The following FHIT variants were observed in gnomAD, a reference collection of about 807,000 sequenced individuals.
The protein encoded by FHIT is fragile histidine triad diadenosine triphosphatase, also known as bis(5'-adenosyl)-triphosphatase.
A neutral mutation model predicts 17.9 loss-of-function variants in FHIT; 19 were observed. That is an observed-to-expected ratio of 1.06 (90% CI 0.74 to 1.56). FHIT has a LOEUF of 1.56. FHIT is among the 40% of genes most tolerant of loss of function. The pLI is 0.00. For synonymous variants in FHIT, 81 were observed against 69.7 expected (o/e 1.16, Z -0.81); for missense variants, 248 against 189.2 (o/e 1.31, Z -1.82).
chr3:60,671,784 A>AAC, intron 4 of FHIT, among the ~76,000 whole-genome samples: 1 of 150,850 alleles, frequency 6.6e-6, no homozygotes, highest in Admixed American at 6.6e-5. Context: ...TACTAAAAAA[A>AAC]AAAAAAAACA....
chr3:60,130,784 G>GTATATACACACATGTGTGTGTGTGTGT (rs148356992), intron 5 of FHIT, among the ~76,000 whole-genome samples: 1 of 111,628 alleles, frequency 9.0e-6, no homozygotes, highest in Non-Finnish European at 2.0e-5. Flanking sequence ...GTGTGTGTGT[G>GTATATACACACATGTGTGTGTGTGTGT]GTGTGTATAT....
intron 5 of FHIT, among the ~76,000 whole-genome samples, chr3:60,363,017 G>A (rs926365308): frequency 6.6e-6 from 1 of 152,138 alleles, no homozygotes; most frequent in Non-Finnish European, 1.5e-5. Context: ...AAGGAAAGAC[G>A]CTGTTAAGTT....
chr3:61,193,821 G>C (rs1372895272), intron 2 of FHIT, among the ~76,000 whole-genome samples: 4 of 152,182 alleles, frequency 2.6e-5, no homozygotes, highest in African/African-American at 9.7e-5. Flanking sequence ...TCTCACAAGA[G>C]TCACAGCCAA....
At chr3:60,061,857 G>T (rs1009975211) in intron 5 of FHIT, among the ~76,000 whole-genome samples, 4 of 152,162 alleles carry the variant, frequency 2.6e-5, no homozygotes, top group African/African-American at 9.7e-5. Flanking sequence ...CACGAGAGAT[G>T]AATTTCAGCC....
At chr3:61,202,826 C>A (rs2039070475) in intron 1 of FHIT, among the ~76,000 whole-genome samples, 1 of 152,076 alleles carries the variant, frequency 6.6e-6, no homozygotes, top group South Asian at 2.1e-4. Flanking sequence ...CCAAGGCAGG[C>A]AGATAACCTG....
At chr3:60,052,311 C>T (rs1448231491) in intron 5 of FHIT, among the ~76,000 whole-genome samples, 1 of 152,040 alleles carries the variant, frequency 6.6e-6, no homozygotes, top group Non-Finnish European at 1.5e-5. Flanking sequence ...CACGAGTACA[C>T]CCTGAAAAAC....
At chr3:60,478,780 GAAAT>G (rs1559947909) in intron 5 of FHIT, among the ~76,000 whole-genome samples, 1 of 152,078 alleles carries the variant, frequency 6.6e-6, no homozygotes, top group African/African-American at 2.4e-5. Flanking sequence ...ACAAATACAT[GAAAT>G]AAAAGTATGT....
intron 5 of FHIT, among the ~76,000 whole-genome samples, chr3:60,504,561 G>A (rs901267954): frequency 2.0e-5 from 3 of 152,146 alleles, no homozygotes; most frequent in Admixed American, 6.5e-5. Context: ...ATAGTAAAAC[G>A]TGAACTGCCA....
chr3:60,921,455 A>T (rs1707275186), intron 3 of FHIT, among the ~76,000 whole-genome samples: 1 of 152,242 alleles, frequency 6.6e-6, no homozygotes, highest in Non-Finnish European at 1.5e-5. Flanking sequence ...TCGAATGGCA[A>T]TAAAATACTT....
chr3:59,907,278 T>C (rs1704626664), intron 8 of FHIT, among the ~76,000 whole-genome samples: 2 of 152,238 alleles, frequency 1.3e-5, no homozygotes, highest in Non-Finnish European at 2.9e-5. Context: ...GCACAGTTAC[T>C]GTCACTAATT....
rs111706619 is a variant in FHIT, at chr3:60,906,453, C to A, written c.-110-84442G>T. 6.8e-3 allele frequency among the ~76,000 whole-genome samples: 1,043 copies of A among 152,278 alleles called. 4 individuals are homozygous for A. Among genetic ancestry groups the A allele is most frequent in the Non-Finnish European group, 0.012 (804 of 68,010 alleles). On this transcript the variant is annotated intron_variant, in intron 3 of 9. Transcript: ENST00000492590. Reference sequence around the variant, plus strand: ...TCTATCTAATCTACCTATCGCCTAGCGGCAATGGCACCCCAGTAGCAATGA... The same window carrying A: ...TCTATCTAATCTACCTATCGCCTAGAGGCAATGGCACCCCAGTAGCAATGA...
intron 2 of FHIT, among the ~76,000 whole-genome samples, chr3:61,121,689 G>A (rs1207312039): frequency 1.3e-5 from 2 of 151,918 alleles, no homozygotes; most frequent in East Asian, 3.9e-4. Flanking sequence ...TCAACTAACG[G>A]GCAAAATAAC....
In FHIT at chr3:60,462,728, G is replaced by T. The variant is rs531621772; in HGVS notation, c.103+74132C>A. ...GAGGTTATGGCCCCAGGCGGACAAG[G>T]AAAGACAGGAAGGTGCCAACCATGC... On this transcript the variant is annotated intron_variant, in intron 5 of 9. Coordinates refer to ENST00000492590, the MANE Select transcript of FHIT (RefSeq NM_002012.4). Among the ~76,000 whole-genome samples the T allele has an allele frequency of 7.9e-5, 12 of 152,222 alleles. No individual in the cohort carries two copies. In the East Asian group the frequency reaches 1.2e-3, roughly 15 times the overall value.
At chr3:60,338,423 C>T (rs575075552) in intron 5 of FHIT, among the ~76,000 whole-genome samples, 25 of 152,194 alleles carry the variant, frequency 1.6e-4, no homozygotes, top group East Asian at 5.8e-4. Flanking sequence ...TCGAGTGCAG[C>T]GGCATGATCT....
chr3:60,570,662 A>G (rs975583550), intron 4 of FHIT, among the ~76,000 whole-genome samples: 1 of 150,840 alleles, frequency 6.6e-6, no homozygotes, highest in Non-Finnish European at 1.5e-5. Flanking sequence ...AGAGTCATAT[A>G]CTTCAGAAGT....
At chr3:59,829,755 A>T (rs1185857675) in intron 8 of FHIT, among the ~76,000 whole-genome samples, 3 of 152,158 alleles carry the variant, frequency 2.0e-5, no homozygotes, top group Non-Finnish European at 4.4e-5. Context: ...GCTCTCTCTT[A>T]TTCTGTCTCA....
intron 4 of FHIT, chr3:60,690,728 A>G (rs1553699404): frequency 2.4e-6 from 1 of 412,416 alleles, no homozygotes. Context: ...ATAGCTGGTA[A>G]TACGGGGCTC....
chr3:60,658,167 A>T (rs1392058607), intron 4 of FHIT, among the ~76,000 whole-genome samples: 1 of 152,146 alleles, frequency 6.6e-6, no homozygotes, highest in Non-Finnish European at 1.5e-5. Context: ...AAAGCACCAC[A>T]AATAGATGAA....
chr3:60,134,595 T>A (rs1257329408), intron 5 of FHIT, among the ~76,000 whole-genome samples: 1 of 152,206 alleles, frequency 6.6e-6, no homozygotes, highest in Non-Finnish European at 1.5e-5. Flanking sequence ...ATACATGCAG[T>A]CAAGCTCAAC....
Sources: allele counts gnomAD v4.1 joint callset (sites outside exome capture counted in the v4.1 genomes callset), GRCh38; gene constraint gnomAD v4.1.1; transcripts MANE v1.5; gene names NCBI Gene and HGNC (gene_info 2026-07-23, HGNC 2026-07-21).